PPP2R5E: variants seen among roughly 807,000 people sequenced by gnomAD.
PPP2R5E encodes protein phosphatase 2 regulatory subunit B'epsilon.
PPP2R5E carries 4 observed loss-of-function variants against 65.3 expected under a neutral mutation model. That is an observed-to-expected ratio of 0.06 (90% CI 0.03 to 0.14). The LOEUF is 0.14. Ranked by LOEUF, PPP2R5E falls within the 10% of genes least tolerant of loss-of-function variation. The pLI is 1.00. For missense variants in PPP2R5E, 274 were observed against 556.1 expected, an observed-to-expected ratio of 0.49 and a Z score of 5.10; for synonymous variants, 183 against 187.4, an observed-to-expected ratio of 0.98 and a Z score of 0.19.
At chr14:63,430,404 T>TGC (rs1237135838) in intron 3 of PPP2R5E, among the ~76,000 whole-genome samples, 65 of 150,122 alleles carry the variant, frequency 4.3e-4, no homozygotes, top group African/African-American at 1.4e-3. Flanking sequence ...CATACATGCA[T>TGC]ACATACATAC....
chr14:63,501,622 C>T (rs1298054619), intron 2 of PPP2R5E, among the ~76,000 whole-genome samples: 1 of 152,022 alleles, frequency 6.6e-6, no homozygotes. Flanking sequence ...TAAAAATGTT[C>T]TAAAAATAGA....
intron 2 of PPP2R5E, among the ~76,000 whole-genome samples, chr14:63,462,221 C>A (rs1050608495): frequency 6.6e-6 from 1 of 152,076 alleles, no homozygotes; most frequent in African/African-American, 2.4e-5. Context: ...CAGGCACCTG[C>A]CACCTTGCCC....
chr14:63,504,265 A>C (rs1269485325), intron 2 of PPP2R5E, among the ~76,000 whole-genome samples: 1 of 152,040 alleles, frequency 6.6e-6, no homozygotes, highest in Admixed American at 6.6e-5. Flanking sequence ...AAAAGCAAAA[A>C]CAAAAACAAA....
At chr14:63,532,179 A>G (rs959692475) in intron 2 of PPP2R5E, among the ~76,000 whole-genome samples, 1 of 152,162 alleles carries the variant, frequency 6.6e-6, no homozygotes, top group Non-Finnish European at 1.5e-5. Flanking sequence ...GGATTTAAGA[A>G]TCTCTATACC....
At chr14:63,447,577 C>T (rs913957084) in intron 3 of PPP2R5E, among the ~76,000 whole-genome samples, 1 of 152,240 alleles carries the variant, frequency 6.6e-6, no homozygotes, top group African/African-American at 2.4e-5. Flanking sequence ...CTGAAACTTT[C>T]TCAATTATCA....
chr14:63,418,632 T>G (rs1566687506), intron 4 of PPP2R5E, among the ~76,000 whole-genome samples: 1 of 150,224 alleles, frequency 6.7e-6, no homozygotes, highest in Non-Finnish European at 1.5e-5. Flanking sequence ...AATTCTTAAT[T>G]GTAAATGAAA....
At chr14:63,423,200 A>T (rs759609984) in intron 3 of PPP2R5E, among the ~76,000 whole-genome samples, 1 of 152,000 alleles carries the variant, frequency 6.6e-6, no homozygotes, top group Non-Finnish European at 1.5e-5. Context: ...GGTTCAAGTG[A>T]CTCTCCTGCC....
intron 4 of PPP2R5E, among the ~76,000 whole-genome samples, chr14:63,418,489 T>C (rs1156774880): frequency 6.6e-6 from 1 of 152,232 alleles, no homozygotes; most frequent in East Asian, 1.9e-4. Flanking sequence ...TCCCTTAAGT[T>C]TCTAAAGAGA....
At chr14:63,504,880 C>T (rs1892083729) in intron 2 of PPP2R5E, among the ~76,000 whole-genome samples, 1 of 152,124 alleles carries the variant, frequency 6.6e-6, no homozygotes, top group African/African-American at 2.4e-5. Context: ...GCAATGTTTG[C>T]TGAATGAATG....
chr14:63,398,778 A>C (rs1255626599), intron 5 of PPP2R5E, among the ~76,000 whole-genome samples: 1 of 152,208 alleles, frequency 6.6e-6, no homozygotes, highest in Non-Finnish European at 1.5e-5. Flanking sequence ...CAACAGAGGA[A>C]GACTCCATCT....
rs1491042056 is a variant in PPP2R5E at position 63,415,028 on chromosome 14, T to TA, written c.549+111_549+112insT. 37 of 595,552 alleles carry TA rather than the reference T, an allele frequency of 6.2e-5. No individual in the cohort carries two copies. The African/African-American group carries it at 6.4e-4, about 10-fold the overall frequency. The allele number at this position is 595,552 out of a possible 1,614,324, so 36.9% of individuals were successfully genotyped here. A position where few individuals can be genotyped will look rare whatever the true frequency, so the allele number is the denominator to read the frequency against. On this transcript the variant is annotated intron_variant, in intron 5 of 13. Coordinates refer to ENST00000337537, the MANE Select transcript of PPP2R5E (RefSeq NM_006246.5). ...ACTTATGTTTATATATATATATATATTTTGTGGGTGATATAACTGTCATTG... is the reference window on the plus strand; with the variant it reads ...ACTTATGTTTATATATATATATATATATTTGTGGGTGATATAACTGTCATTG...
intron 2 of PPP2R5E, among the ~76,000 whole-genome samples, chr14:63,517,936 A>T (rs11848591): frequency 0.02 from 3,029 of 152,258 alleles, 99 homozygotes; most frequent in African/African-American, 0.069. Flanking sequence ...AATTAATTCT[A>T]TTGCATTATG....
At chr14:63,383,875 T>C (rs1406799763) in intron 12 of PPP2R5E, among the ~76,000 whole-genome samples, 1 of 152,134 alleles carries the variant, frequency 6.6e-6, no homozygotes, top group Non-Finnish European at 1.5e-5. Flanking sequence ...AATGAAAACC[T>C]AGTCAGACCA....
chr14:63,446,388 C>T (rs78126098), intron 3 of PPP2R5E, among the ~76,000 whole-genome samples: 4 of 152,216 alleles, frequency 2.6e-5, no homozygotes, highest in African/African-American at 7.2e-5. Context: ...AGAAGGTTTT[C>T]GATTTGTTTT....
chr14:63,397,646 T>C (rs1311942961), intron 5 of PPP2R5E, among the ~76,000 whole-genome samples: 14 of 151,990 alleles, frequency 9.2e-5, no homozygotes, highest in Non-Finnish European at 1.8e-4. Context: ...CAGACTCTTG[T>C]TATGTAGGTG....
chr14:63,497,487 TC>T (rs1431106040), intron 2 of PPP2R5E, among the ~76,000 whole-genome samples: 2 of 151,822 alleles, frequency 1.3e-5, no homozygotes, highest in African/African-American at 4.8e-5. Context: ...GTGCAGTGGC[TC>T]CCCCCTGTAA....
intron 2 of PPP2R5E, among the ~76,000 whole-genome samples, chr14:63,537,329 T>C (rs1022141784): frequency 1.3e-5 from 2 of 152,200 alleles, no homozygotes; most frequent in Admixed American, 6.5e-5. Flanking sequence ...ATTAAATAGA[T>C]TACTAAAAAC....
At chr14:63,414,897 T>C (rs2139860920) in intron 5 of PPP2R5E, among the ~76,000 whole-genome samples, 2 of 152,282 alleles carry the variant, frequency 1.3e-5, no homozygotes, top group Admixed American at 1.3e-4. Flanking sequence ...GAGAAAACTG[T>C]AGGGATTTAG....
intron 3 of PPP2R5E, among the ~76,000 whole-genome samples, chr14:63,436,478 G>A (rs1324516205): frequency 6.6e-6 from 1 of 152,216 alleles, no homozygotes; most frequent in Non-Finnish European, 1.5e-5. Context: ...GTGTGTGTCT[G>A]TGACCTTTCA....
Sources: gnomAD v4.1 joint callset for allele counts (sites outside exome capture counted in the v4.1 genomes callset) on GRCh38, gnomAD v4.1.1 for gene constraint, MANE v1.5 for transcripts, NCBI Gene and HGNC (gene_info 2026-07-23, HGNC 2026-07-21) for gene names.